The following SMARCA4 variants were observed in gnomAD, a reference collection of about 807,000 sequenced individuals.
SMARCA4 encodes the protein SWI/SNF related BAF chromatin remodeling complex subunit ATPase 4.
Under a neutral mutation model 193.9 loss-of-function variants are expected in SMARCA4, and 31 were observed. That is an observed-to-expected ratio of 0.16 (90% CI 0.12 to 0.22). The LOEUF (loss-of-function observed/expected upper bound fraction) is 0.22, where lower values mean the gene tolerates loss of function less well. Among genes scored for constraint, SMARCA4 ranks in the 10% least tolerant of loss-of-function variants. The probability of loss-of-function intolerance (pLI) is 1.00; values close to 1 mark genes in which losing one functional copy is unlikely to be tolerated. For missense variants in SMARCA4, 1,148 were observed against 2,296.0 expected (o/e 0.50, Z 10.22); for synonymous variants, 942 against 933.1 (o/e 1.01, Z -0.17).
At chr19:10,963,015 T>C (rs1027713549) in intron 1 of SMARCA4, among the ~76,000 whole-genome samples, 1 of 152,110 alleles carries the variant, frequency 6.6e-6, no homozygotes, top group African/African-American at 2.4e-5. Context: ...AGTAGGTCTT[T>C]AGCGAACTTA....
intron 6 of SMARCA4, among the ~76,000 whole-genome samples, chr19:10,988,444 G>A (rs1402211365): frequency 2.0e-5 from 3 of 152,120 alleles, no homozygotes; most frequent in Non-Finnish European, 4.4e-5. Context: ...GATCTACTCC[G>A]TGGATTAAAA....
At chr19:10,969,094 A>G (rs2084469834) in intron 1 of SMARCA4, among the ~76,000 whole-genome samples, 1 of 152,140 alleles carries the variant, frequency 6.6e-6, no homozygotes, top group Non-Finnish European at 1.5e-5. Context: ...TCTGTTCTGC[A>G]TGGCTTAACC....
chr19:11,017,096 C>T lies in SMARCA4; in HGVS notation c.2439-1861C>T, dbSNP rs117454458. On this transcript the variant is annotated intron_variant, in intron 16 of 34. Coordinates refer to ENST00000344626, the MANE Select transcript of SMARCA4 (RefSeq NM_003072.5). ...ATCGTCTAAAAGGCCTTCTCTGCCT[C>T]GGCATCTGTTTCTGTGTTAAGCTGA... 2.1e-3 allele frequency among the ~76,000 whole-genome samples: 326 copies of T among 152,310 alleles called. 11 individuals are homozygous for T. The East Asian group carries it at 0.057, about 26-fold the overall frequency.
chr19:11,059,666 A>AGGGCTG (rs1221862048), intron 32 of SMARCA4, 87 bp from the exon 33 acceptor site: 93 of 1,461,118 alleles, frequency 6.4e-5, no homozygotes, highest in South Asian at 4.0e-4. Context: ...GGGGCAACAC[A>AGGGCTG]GGGCTGGGGC....
chr19:11,054,409 GCAT>G (rs2147028999), intron 30 of SMARCA4, among the ~76,000 whole-genome samples: 1 of 152,318 alleles, frequency 6.6e-6, no homozygotes, highest in East Asian at 1.9e-4. Context: ...GTGTGTTTCT[GCAT>G]CATCAACTTG....
rs1225132312 is a variant in SMARCA4, at chr19:10,971,446, T to G, written c.-32+10272T>G. Reference sequence around the variant, plus strand: ...CATCTGTTAACCCTGCGAACCCTGCTTGATTAGATTTATAGCACTTCCACC... The same window carrying G: ...CATCTGTTAACCCTGCGAACCCTGCGTGATTAGATTTATAGCACTTCCACC... On this transcript the variant is annotated intron_variant, in intron 1 of 34. Transcript: ENST00000344626. 2.0e-5 allele frequency among the ~76,000 whole-genome samples: 3 copies of G among 152,080 alleles called. No homozygotes were observed. The East Asian group carries it at 5.8e-4, about 29-fold the overall frequency.
In SMARCA4 at chr19:11,025,516, C is replaced by T. The variant is rs200658539; in HGVS notation, c.3168+8C>T. 42 of 1,610,022 alleles carry T rather than the reference C, an allele frequency of 2.6e-5. No homozygotes were observed. The highest frequency in any genetic ancestry group is 3.2e-5 in the Non-Finnish European group (38 of 1,177,520). Reference sequence around the variant, plus strand: ...ATGTTCCAGCACATCGAGGTGAGCCCGCCGCGGCTGGGACGGCTCAGGCCC... The same window carrying T: ...ATGTTCCAGCACATCGAGGTGAGCCTGCCGCGGCTGGGACGGCTCAGGCCC... On this transcript the variant is annotated splice_region_variant and intron_variant, in intron 22 of 34. Transcript: ENST00000344626.
At chr19:10,965,954 T>G (rs1164539024) in intron 1 of SMARCA4, among the ~76,000 whole-genome samples, 1 of 144,574 alleles carries the variant, frequency 6.9e-6, no homozygotes, top group Non-Finnish European at 1.5e-5. Context: ...AAAGGGAGAG[T>G]GTGTTTAGTG....
chr19:11,004,442 G>T (rs2087983710), intron 13 of SMARCA4, among the ~76,000 whole-genome samples: 1 of 151,754 alleles, frequency 6.6e-6, no homozygotes, highest in African/African-American at 2.4e-5. Context: ...GTAGAGATGG[G>T]GTTCCACCAT....
chr19:11,061,196 AAAAAAAAAATATATATATATATATAT>A (rs1178945374), intron 34 of SMARCA4, among the ~76,000 whole-genome samples: 1 of 85,914 alleles, frequency 1.2e-5, no homozygotes, highest in African/African-American at 4.5e-5. Context: ...TTTAAAAAAA[AAAAAAAAAATATATATATATATATAT>A]ATATATATAT....
At position 10,984,717 on chromosome 19, in the gene SMARCA4, GT is replaced by G. The variant is rs541747872; in HGVS notation, c.222+347del. On this transcript the variant is annotated intron_variant, in intron 2 of 34. Transcript: ENST00000344626. This position sits in a 1 kb window ranked among gnomAD's most constrained non-coding sequence, Gnocchi z 4.3. Reference sequence around the variant, plus strand: ...TCCTAAAAAGGCTTTTAGCCACGTGGTTTCCCCCGTTCTGGCTGTCAGGCTC... The same window carrying G: ...TCCTAAAAAGGCTTTTAGCCACGTGGTTCCCCCGTTCTGGCTGTCAGGCTC... Among the ~76,000 whole-genome samples the G allele has an allele frequency of 1.9e-3, 285 of 152,342 alleles. No individual in the cohort carries two copies. The highest frequency in any genetic ancestry group is 3.4e-3 in the Non-Finnish European group (231 of 68,032).
At chr19:11,045,314 C>T (rs368881059) in intron 30 of SMARCA4, among the ~76,000 whole-genome samples, 15 of 150,478 alleles carry the variant, frequency 1.0e-4, no homozygotes, top group African/African-American at 2.2e-4. Context: ...AGCGGGACTC[C>T]GTCTAAAAAA....
rs563390524 is a variant in SMARCA4, at chr19:11,023,774, G to A, written c.2973+143G>A. 546 of 703,822 alleles carry A rather than the reference G, an allele frequency of 7.8e-4. 4 individuals carry two copies. The highest frequency in any genetic ancestry group is 4.4e-3 in the Middle Eastern group (12 of 2,756). The allele number at this position is 703,822 out of a possible 1,614,324, so 43.6% of individuals were successfully genotyped here. A position where few individuals can be genotyped will look rare whatever the true frequency, so the allele number is the denominator to read the frequency against. On this transcript the variant is annotated intron_variant, in intron 20 of 34. Coordinates refer to ENST00000344626, the MANE Select transcript of SMARCA4 (RefSeq NM_003072.5). Reference sequence around the variant, plus strand: ...TTGGGGGTGGCGATGACGCCACTGGGTCTGTAAAGCCCTGTGCTGCTGTTG... The same window carrying A: ...TTGGGGGTGGCGATGACGCCACTGGATCTGTAAAGCCCTGTGCTGCTGTTG...
rs2146547037 is a variant in SMARCA4, at chr19:11,027,960, A to G, written c.3382+10A>G. 6.2e-7 allele frequency: 1 copy of G among 1,613,800 alleles called. No individual in the cohort carries two copies. Among genetic ancestry groups the G allele is most frequent in the Non-Finnish European group, 8.5e-7 (1 of 1,179,710 alleles). ...TACCTCAGGCTTGATGGTGAGTATGAGCCAGTGAGGCGTTTCTTACAGGGT... is the reference window on the plus strand; with the variant it reads ...TACCTCAGGCTTGATGGTGAGTATGGGCCAGTGAGGCGTTTCTTACAGGGT... On this transcript the variant is annotated intron_variant, in intron 24 of 34. Coordinates refer to ENST00000344626, the MANE Select transcript of SMARCA4 (RefSeq NM_003072.5).
rs530475772 is a variant in SMARCA4, at chr19:11,061,117, G to A, written c.4912-667G>A. ...GCAGGAGGCTCACTTGAGCCTGGGAGGTCGAGGCTGCAGTGAGCCGTGATA... is the reference window on the plus strand; with the variant it reads ...GCAGGAGGCTCACTTGAGCCTGGGAAGTCGAGGCTGCAGTGAGCCGTGATA... On this transcript the variant is annotated intron_variant, in intron 34 of 34. Coordinates refer to ENST00000344626, the MANE Select transcript of SMARCA4 (RefSeq NM_003072.5). Among the ~76,000 whole-genome samples the A allele has an allele frequency of 2.5e-3, 376 of 150,650 alleles. 2 individuals are homozygous for A. The highest frequency in any genetic ancestry group is 8.8e-3 in the African/African-American group (358 of 40,910).
intron 1 of SMARCA4, among the ~76,000 whole-genome samples, chr19:10,963,894 C>T (rs2084010171): frequency 6.6e-6 from 1 of 151,530 alleles, no homozygotes; most frequent in African/African-American, 2.4e-5. Context: ...ATGATTGAGC[C>T]ACTGCACTCC....
At chr19:10,991,492 CCAATGGTAGGGAGA>C (rs2086559785) in intron 8 of SMARCA4, among the ~76,000 whole-genome samples, 169 bp downstream of exon 8, 1 of 152,170 alleles carries the variant, frequency 6.6e-6, no homozygotes, top group Non-Finnish European at 1.5e-5. Flanking sequence ...GTGTAAAAAC[CCAATGGTAGGGAGA>C]AGATAGTGAT....
intron 16 of SMARCA4, among the ~76,000 whole-genome samples, chr19:11,017,139 T>C (rs559218247): frequency 1.3e-5 from 2 of 152,384 alleles, no homozygotes; most frequent in African/African-American, 4.8e-5. Flanking sequence ...TTCATACCAC[T>C]GTCTGCGGCT....
Position 11,058,536 on chromosome 19 carries a change from G to A in SMARCA4, c.4533+173G>A, listed in dbSNP as rs572734627. 6.6e-6 allele frequency among the ~76,000 whole-genome samples: 1 copy of A among 152,274 alleles called. No homozygotes were observed. The highest frequency in any genetic ancestry group is 2.1e-4 in the South Asian group (1 of 4,830). On this transcript the variant is annotated intron_variant, in intron 31 of 34. Coordinates refer to ENST00000344626, the MANE Select transcript of SMARCA4 (RefSeq NM_003072.5). This position sits in a 1 kb window ranked among gnomAD's most constrained non-coding sequence, Gnocchi z 5.8. ...GTGGGCTTTTGGGGTTCCTTGTAAG[G>A]GTTGGGGGTGTCCTGAGGGATGTCA...
Sources: allele counts gnomAD v4.1 joint callset (sites outside exome capture counted in the v4.1 genomes callset), GRCh38; gene constraint gnomAD v4.1.1; non-coding constraint Gnocchi (gnomAD v3.1); transcripts MANE v1.5; gene names NCBI Gene and HGNC (gene_info 2026-07-23, HGNC 2026-07-21).